ITGBL1: variants seen among roughly 807,000 people sequenced by gnomAD.
ITGBL1 encodes the protein integrin beta-like protein 1.
In ITGBL1, 51 loss-of-function variants were observed where a neutral mutation model predicts 68.5. That is an observed-to-expected ratio of 0.74 (90% CI 0.59 to 0.94). The LOEUF (loss-of-function observed/expected upper bound fraction) is 0.94, where lower values mean the gene tolerates loss of function less well. Ranked by LOEUF, ITGBL1 falls within the 40% of genes least tolerant of loss-of-function variation. The pLI, the probability that ITGBL1 is intolerant of heterozygous loss-of-function variation, is 0.00. For missense variants in ITGBL1, 649 were observed against 647.4 expected (o/e 1.00, Z -0.03); for synonymous variants, 209 against 227.3 (o/e 0.92, Z 0.72).
intron 7 of ITGBL1, among the ~76,000 whole-genome samples, chr13:101,672,802 C>T (rs1183589815): frequency 1.3e-5 from 2 of 152,134 alleles, no homozygotes; most frequent in Non-Finnish European, 2.9e-5. Context: ...TAACCCATTC[C>T]ATGTGTGCGT....
At chr13:101,639,943 T>C (rs181186429) in intron 7 of ITGBL1, among the ~76,000 whole-genome samples, 147 of 152,278 alleles carry the variant, frequency 9.7e-4, no homozygotes, top group African/African-American at 3.4e-3. Context: ...CCATGAAAGT[T>C]AAATACTATT....
At chr13:101,664,213 A>T (rs1329038071) in intron 7 of ITGBL1, among the ~76,000 whole-genome samples, 2 of 152,204 alleles carry the variant, frequency 1.3e-5, no homozygotes, top group Admixed American at 1.3e-4. Context: ...TCCAGAAAAA[A>T]TTATTAGGAG....
intron 6 of ITGBL1, among the ~76,000 whole-genome samples, chr13:101,587,421 G>A (rs536525022): frequency 1.3e-5 from 2 of 152,144 alleles, no homozygotes; most frequent in Non-Finnish European, 2.9e-5. Flanking sequence ...AAGACAATAC[G>A]GTTGACACAA....
intron 7 of ITGBL1, among the ~76,000 whole-genome samples, chr13:101,661,505 C>T (rs1398869257): frequency 1.3e-5 from 2 of 152,114 alleles, no homozygotes; most frequent in Non-Finnish European, 2.9e-5. Flanking sequence ...ATGGTTTATT[C>T]CTCTTGCTTC....
chr13:101,681,782 T>TG (rs959400301), intron 7 of ITGBL1, among the ~76,000 whole-genome samples: 4 of 151,028 alleles, frequency 2.6e-5, no homozygotes, highest in Non-Finnish European at 5.9e-5. Context: ...GGAGTGAAGG[T>TG]GGTGTGTGTC....
At chr13:101,547,712 GT>G (rs1427900267) in intron 2 of ITGBL1, among the ~76,000 whole-genome samples, 6 of 151,770 alleles carry the variant, frequency 4.0e-5, no homozygotes, top group Admixed American at 3.3e-4. Context: ...ATATTGGATT[GT>G]TTTTTAATAC....
chr13:101,671,447 G>T (rs11069453), intron 7 of ITGBL1, among the ~76,000 whole-genome samples: 60,609 of 99,820 alleles, frequency 0.61, 18,963 homozygotes, highest in East Asian at 0.77. Flanking sequence ...GTTTTTTTTT[G>T]TTTTTTTTTG....
At chr13:101,598,096 A>C in intron 6 of ITGBL1, 57 bp from the exon 7 acceptor site, 4 of 1,379,766 alleles carry the variant, frequency 2.9e-6, no homozygotes, top group Admixed American at 2.1e-5. Context: ...ATGAAAACTA[A>C]TTCCAACTTC....
chr13:101,584,434 G>C lies in ITGBL1; in HGVS notation c.868+1078G>C, dbSNP rs2050516449. On this transcript the variant is annotated intron_variant, in intron 6 of 10. Transcript: ENST00000376180. ...CACATACACATATACATCTTGCTAAGCTTGACTGCCTCATTGGTGCATGCA... is the reference window on the plus strand; with the variant it reads ...CACATACACATATACATCTTGCTAACCTTGACTGCCTCATTGGTGCATGCA... Among the ~76,000 whole-genome samples, 3 of 152,114 alleles carry C rather than the reference G, an allele frequency of 2.0e-5. No homozygotes were observed. In the South Asian group the frequency reaches 6.2e-4, roughly 32 times the overall value.
intron 2 of ITGBL1, among the ~76,000 whole-genome samples, chr13:101,506,148 T>C: frequency 6.6e-6 from 1 of 152,182 alleles, no homozygotes; most frequent in East Asian, 1.9e-4. Flanking sequence ...TCAAGAATAC[T>C]TCAGATGTCC....
chr13:101,661,536 G>A (rs759037699), intron 7 of ITGBL1, among the ~76,000 whole-genome samples: 22 of 151,988 alleles, frequency 1.4e-4, no homozygotes, highest in Non-Finnish European at 3.1e-4. Context: ...TCTTGTTTTC[G>A]GGTTTCCTGA....
chr13:101,620,602 A>G (rs1261457764), intron 7 of ITGBL1, among the ~76,000 whole-genome samples: 4 of 152,106 alleles, frequency 2.6e-5, no homozygotes, highest in Non-Finnish European at 4.4e-5. Flanking sequence ...TACCCCACTA[A>G]TAGCAAAATG....
At chr13:101,544,215 G>A (rs978241541) in intron 2 of ITGBL1, among the ~76,000 whole-genome samples, 3 of 152,014 alleles carry the variant, frequency 2.0e-5, no homozygotes, top group Non-Finnish European at 2.9e-5. Context: ...TGATGGTGAC[G>A]TACAGATGGG....
Position 101,680,144 on chromosome 13 carries a change from T to C in ITGBL1, c.1016-12441T>C, listed in dbSNP as rs145426300. On this transcript the variant is annotated intron_variant, in intron 7 of 10. Transcript: ENST00000376180. ...TTTCAAATGTCTGAAGGAAGATTAC[T>C]GTATTCGCACAAAAATATTTGTACT... Among the ~76,000 whole-genome samples the C allele has an allele frequency of 2.2e-3, 334 of 152,328 alleles. 1 individual carries two copies. The highest frequency in any genetic ancestry group is 7.7e-3 in the African/African-American group (319 of 41,576).
chr13:101,484,955 A>G (rs895326222), intron 2 of ITGBL1, among the ~76,000 whole-genome samples: 1 of 152,164 alleles, frequency 6.6e-6, no homozygotes, highest in Admixed American at 6.5e-5. Flanking sequence ...AAAACCGTTA[A>G]TAGGGAGACA....
At chr13:101,486,444 A>G (rs1441043725) in intron 2 of ITGBL1, among the ~76,000 whole-genome samples, 4 of 152,122 alleles carry the variant, frequency 2.6e-5, no homozygotes, top group Admixed American at 2.6e-4. Flanking sequence ...CCACTAAAGA[A>G]CTTCACCTGT....
chr13:101,671,074 TCTA>T (rs1247108151), intron 7 of ITGBL1, among the ~76,000 whole-genome samples: 1 of 152,216 alleles, frequency 6.6e-6, no homozygotes, highest in Non-Finnish European at 1.5e-5. Context: ...ATCTTTGTCA[TCTA>T]CTGTTACAGT....
At chr13:101,693,238 G>A (rs1340935509) in intron 8 of ITGBL1, among the ~76,000 whole-genome samples, 1 of 152,184 alleles carries the variant, frequency 6.6e-6, no homozygotes, top group African/African-American at 2.4e-5. Flanking sequence ...CCCAGGAGTA[G>A]AGTGCTGATC....
chr13:101,525,400 G>A (rs1286498101), intron 2 of ITGBL1, among the ~76,000 whole-genome samples: 3 of 152,094 alleles, frequency 2.0e-5, no homozygotes, highest in Middle Eastern at 3.4e-3. Flanking sequence ...TATAAAAAAA[G>A]TTAGTTGGGG....
Sources: allele counts gnomAD v4.1 joint callset (sites outside exome capture counted in the v4.1 genomes callset), GRCh38; gene constraint gnomAD v4.1.1; transcripts MANE v1.5; gene names NCBI Gene and HGNC (gene_info 2026-07-23, HGNC 2026-07-21).